TEX35: variants seen among roughly 807,000 people sequenced by gnomAD.
TEX35 encodes the protein testis-expressed protein 35.
Under a neutral mutation model 31.9 loss-of-function variants are expected in TEX35, and 26 were observed. The observed-to-expected ratio is 0.81, with a 90% confidence interval of 0.60 to 1.13. The LOEUF (loss-of-function observed/expected upper bound fraction) is 1.13. Ranked by LOEUF, TEX35 falls within the 50% of genes most tolerant of loss-of-function variation. The pLI is 0.00. For missense variants in TEX35, 278 were observed against 273.5 expected (o/e 1.02, Z -0.12); for synonymous variants, 87 against 90.7 (o/e 0.96, Z 0.23).
In TEX35 at chr1:178,522,316, C is replaced by A; in HGVS notation, c.587-9C>A. 1.9e-6 allele frequency: 3 copies of A among 1,580,776 alleles called. No individual in the cohort carries two copies. The highest frequency in any genetic ancestry group is 2.6e-6 in the Non-Finnish European group (3 of 1,161,386). ...TGAAGGTTTCCTCTCCCTCCCTCCA[C>A]CCCCAAAGGGAACATTCCTTCAGAG... On this transcript the variant is annotated splice_polypyrimidine_tract_variant and intron_variant, in intron 8 of 8. Transcript: ENST00000319416.
intron 1 of TEX35, among the ~76,000 whole-genome samples, chr1:178,513,566 T>C (rs1649953071): frequency 6.6e-6 from 1 of 152,226 alleles, no homozygotes; most frequent in African/African-American, 2.4e-5. Flanking sequence ...ATAACCTTAT[T>C]AGATAAATAT....
At chr1:178,516,811 C>T in intron 5 of TEX35, 137 bp downstream of exon 5, 1 of 573,362 alleles carries the variant, frequency 1.7e-6, no homozygotes, top group Non-Finnish European at 3.0e-6. Context: ...CATTGCAAGC[C>T]AAATAATTAA....
chr1:178,515,800 GT>G, intron 3 of TEX35, 58 bp from the exon 4 acceptor site: 4 of 1,379,562 alleles, frequency 2.9e-6, no homozygotes, highest in Admixed American at 3.7e-5. Context: ...CCTGTTGATG[GT>G]TTCCCCTCCA....
intron 5 of TEX35, among the ~76,000 whole-genome samples, chr1:178,518,088 C>T (rs1370535390): frequency 1.3e-5 from 2 of 151,880 alleles, no homozygotes; most frequent in South Asian, 2.1e-4. Context: ...GGAAAATAGA[C>T]GAGTGTGAAC....
Position 178,520,689 on chromosome 1 carries a change from C to T in TEX35, c.358C>T (p.Pro120Ser). The change falls in exon 7 of 9, where the codon CCA becomes TCA. Residue 120 changes from proline (P) to serine (S), a missense_variant. Transcript: ENST00000319416. ...CTCCCCCAGTCCCCTTAGAAGAGCACCAAAGGAGCAGCAGGAACTCAGGCT... is the reference window on the plus strand; with the variant it reads ...CTCCCCCAGTCCCCTTAGAAGAGCATCAAAGGAGCAGCAGGAACTCAGGCT... ...KNYKLPLRRAPKEQQELRLMG... is the reference protein window; with the variant it reads ...KNYKLPLRRASKEQQELRLMG... 1 of 1,613,970 alleles carries T rather than the reference C, an allele frequency of 6.2e-7. No individual in the cohort carries two copies. The highest frequency in any genetic ancestry group is 1.1e-5 in the South Asian group (1 of 91,046).
downstream of TEX35, chr1:178,523,325 C>T (rs756988980): frequency 2.1e-5 from 15 of 697,966 alleles, no homozygotes; most frequent in South Asian, 6.0e-5. Flanking sequence ...AGTGGGACTG[C>T]TGGATCTATG....
intron 5 of TEX35, among the ~76,000 whole-genome samples, chr1:178,518,312 G>C (rs1036016016): frequency 3.9e-5 from 6 of 152,006 alleles, no homozygotes; most frequent in African/African-American, 1.4e-4. Context: ...TTAGACAATA[G>C]ATATAAAAAA....
chr1:178,520,879 G>C lies in TEX35; in HGVS notation c.543+5G>C, dbSNP rs777004361. On this transcript the variant is annotated splice_donor_5th_base_variant and intron_variant, in intron 7 of 8. Coordinates refer to ENST00000319416, the MANE Select transcript of TEX35 (RefSeq NM_032126.5). ...CATCACTGTGGGACCTGCTGCGTAA[G>C]TGAAACCCTGCCCGAGCCCAGCACT... is the stretch of plus-strand genomic sequence containing the variant. The C allele has an allele frequency of 6.2e-7, 1 of 1,613,978 alleles. No individual in the cohort carries two copies.
Position 178,522,372 on chromosome 1 carries a change from C to G in TEX35, c.634C>G (p.Pro212Ala). The change falls in exon 9 of 9, where the codon CCA becomes GCA. Residue 212 changes from proline to alanine, a missense_variant. By Grantham distance (27) the Pro-to-Ala change is conservative. Transcript: ENST00000319416. ...AGGCCTTTACAAAGGTGGAGAGGAG[C>G]CAGTGACCACCCAACCTTCTGTGGG... ...ASGLYKGGEE[P>A]VTTQPSVGHA... The G allele has an allele frequency of 6.2e-7, 1 of 1,606,864 alleles. No individual in the cohort carries two copies. Among genetic ancestry groups the G allele is most frequent in the Non-Finnish European group, 8.5e-7 (1 of 1,176,418 alleles).
intron 8 of TEX35, chr1:178,522,078 T>C: frequency 1.5e-6 from 1 of 654,906 alleles, no homozygotes; most frequent in Non-Finnish European, 2.5e-6. Context: ...GGAGAGACCC[T>C]GCTGCCTGGC....
rs1323382021 is a variant in TEX35 at position 178,521,222 on chromosome 1, G to T, written c.544G>T (p.Glu182Ter). Residue 182 changes from glutamate (E) to a stop codon, truncating the protein, a stop_gained and splice_region_variant, in exon 8 of 9, where the codon GAG (glutamate) becomes TAG (stop). Coordinates refer to ENST00000319416, the MANE Select transcript of TEX35 (RefSeq NM_032126.5). LOFTEE classifies it low-confidence loss of function (END_TRUNC). ...CTTGTGCCGTTTCTGTCCTCTGCAG[G>T]AGAAATGTTTGTTGTGTGCTCTAAA... ...DPLHHCGTCC[E>*]KCLLCALKNN... 3 of 1,614,106 alleles carry T rather than the reference G, an allele frequency of 1.9e-6. No individual in the cohort carries two copies.
At chr1:178,514,638 C>T in intron 2 of TEX35, 62 bp from the exon 3 acceptor site, 1 of 1,512,356 alleles carries the variant, frequency 6.6e-7, no homozygotes, top group Non-Finnish European at 9.1e-7. Flanking sequence ...TCTCTTCTGC[C>T]TCTGCACTTC....
chr1:178,514,746 C>T lies in TEX35; in HGVS notation c.137C>T (p.Ala46Val). 2 of 1,613,908 alleles carry T rather than the reference C, an allele frequency of 1.2e-6. No individual in the cohort carries two copies. Among genetic ancestry groups the T allele is most frequent in the Non-Finnish European group, 1.7e-6 (2 of 1,179,916 alleles). The part of the protein sequence containing the change: ...AVKQEGRFTK[A>V]GVTQDLKNEL... ...AAACAAGAAGGGCGGTTTACCAAAG[C>T]AGGAGTGACACAGGACCTAAAGGTG... Residue 46 changes from alanine (A) to valine (V), a missense_variant, in exon 3 of 9, where the codon GCA becomes GTA. By Grantham distance (64) the Ala-to-Val change is moderately conservative. Transcript: ENST00000319416.
intron 3 of TEX35, 84 bp from the exon 4 acceptor site, chr1:178,515,775 G>C: frequency 9.2e-7 from 1 of 1,090,192 alleles, no homozygotes; most frequent in Non-Finnish European, 1.4e-6. Context: ...AGTGTCCCAG[G>C]ATCTTTCCTT....
intron 6 of TEX35, 21 bp from the exon 7 acceptor site, chr1:178,520,652 T>A: frequency 6.2e-7 from 1 of 1,611,552 alleles, no homozygotes; most frequent in Non-Finnish European, 8.5e-7. Flanking sequence ...TCTCTGCCCC[T>A]CCCTGGCCCT....
Position 178,513,127 on chromosome 1 carries a change from G to A in TEX35, c.-62G>A. On this transcript the variant is annotated 5_prime_UTR_variant, in exon 1 of 9. Coordinates refer to ENST00000319416, the MANE Select transcript of TEX35 (RefSeq NM_032126.5). ...TCACCTTGACCTGTAAGTTGCCTAG[G>A]ACAGTGGCCTGGTCCCAGGGGCTGT... The A allele has an allele frequency of 1.3e-6, 2 of 1,581,222 alleles. No individual in the cohort carries two copies. The highest frequency in any genetic ancestry group is 2.2e-5 in the South Asian group (2 of 90,264).
At chr1:178,516,845 T>C (rs969872390) in intron 5 of TEX35, among the ~76,000 whole-genome samples, 171 bp downstream of exon 5, 4 of 152,200 alleles carry the variant, frequency 2.6e-5, no homozygotes, top group African/African-American at 9.7e-5. Flanking sequence ...AGTTAGGGGC[T>C]TAGAGACATG....
Position 178,520,576 on chromosome 1 carries a change from CA to C in TEX35, c.342-95del, listed in dbSNP as rs756877022. 32 of 1,593,226 alleles carry C rather than the reference CA, an allele frequency of 2.0e-5. No individual in the cohort carries two copies. The African/African-American group carries it at 3.5e-4, about 17-fold the overall frequency. On this transcript the variant is annotated intron_variant, in intron 6 of 8. Coordinates refer to ENST00000319416, the MANE Select transcript of TEX35 (RefSeq NM_032126.5). ...TCCTACTGCCCCTGTGACTTGGAGT[CA>C]AGGCCTTCCATGGCCACCCGTGTAC...
intron 7 of TEX35, 166 bp downstream of exon 7, chr1:178,521,040 C>G: frequency 1.3e-6 from 2 of 1,545,266 alleles, no homozygotes; most frequent in Non-Finnish European, 8.7e-7. Flanking sequence ...GCCTTGCCTT[C>G]TAGGCCTGTG....
Sources: allele counts gnomAD v4.1 joint callset (sites outside exome capture counted in the v4.1 genomes callset), GRCh38; gene constraint gnomAD v4.1.1; transcripts MANE v1.5; gene names NCBI Gene and HGNC (gene_info 2026-07-23, HGNC 2026-07-21).